The following DLG2 variants were observed in gnomAD, a reference collection of about 807,000 sequenced individuals.
DLG2 encodes the protein discs large MAGUK scaffold protein 2, also known as disks large homolog 2.
DLG2 carries 45 observed loss-of-function variants against 132.5 expected under a neutral mutation model. The ratio of observed to expected loss-of-function variants is 0.34; its 90% confidence interval spans 0.27 to 0.44. The LOEUF (loss-of-function observed/expected upper bound fraction) is 0.44. Ranked by LOEUF, DLG2 falls within the 20% of genes least tolerant of loss-of-function variation. DLG2 has a pLI of 1.00. For synonymous variants in DLG2, 424 were observed against 419.6 expected (o/e 1.01, Z -0.13); for missense variants, 1,045 against 1,196.9 (o/e 0.87, Z 1.87).
intron 3 of DLG2, among the ~76,000 whole-genome samples, chr11:85,569,649 A>G (rs904169760): frequency 2.3e-4 from 35 of 152,170 alleles, no homozygotes; most frequent in Non-Finnish European, 3.8e-4. Flanking sequence ...AGAGAAATGG[A>G]AATTAAAACC....
intron 6 of DLG2, among the ~76,000 whole-genome samples, chr11:84,726,931 C>A (rs2062545780): frequency 6.6e-6 from 1 of 152,122 alleles, no homozygotes; most frequent in African/African-American, 2.4e-5. Context: ...ATATCTTTTG[C>A]CCAGTTTTTG....
Position 84,502,202 on chromosome 11 carries a change from C to CTCTCTCTCT in DLG2, c.519+32367_519+32368insAGAGAGAGA, listed in dbSNP as rs56962951. Among the ~76,000 whole-genome samples, 26 of 24,942 alleles carry CTCTCTCTCT rather than the reference C, an allele frequency of 1.0e-3. 9 individuals carry two copies. The highest frequency in any genetic ancestry group is 1.5e-3 in the Non-Finnish European group (23 of 15,288). The allele number at this position is 24,942 out of a possible 152,430, so 16.4% of individuals were successfully genotyped here. On this transcript the variant is annotated intron_variant, in intron 7 of 27. Coordinates refer to ENST00000376104, the MANE Select transcript of DLG2 (RefSeq NM_001142699.3). ...TCTCTCTCTTTCTCTCTCTCTCTCT[C>CTCTCTCTCT]CTTCCTTCCTTCCTTCCTTCCTTCC...
At chr11:83,860,281 C>T (rs534214433) in intron 16 of DLG2, among the ~76,000 whole-genome samples, 8 of 152,304 alleles carry the variant, frequency 5.3e-5, no homozygotes, top group East Asian at 1.9e-4. Context: ...ACCGCAGACA[C>T]TCAATACCAG....
At chr11:84,044,104 C>T (rs1357129025) in intron 11 of DLG2, among the ~76,000 whole-genome samples, 4 of 151,840 alleles carry the variant, frequency 2.6e-5, no homozygotes, top group Middle Eastern at 3.4e-3. Flanking sequence ...TGGAGCCAGA[C>T]ACCAGTGATT....
At chr11:85,319,445 T>C (rs1455468784) in intron 3 of DLG2, among the ~76,000 whole-genome samples, 1 of 151,860 alleles carries the variant, frequency 6.6e-6, no homozygotes, top group Non-Finnish European at 1.5e-5. Flanking sequence ...ATAGCATAAA[T>C]ATTTATTCAC....
At chr11:85,063,761 TAA>T (rs1268731307) in intron 6 of DLG2, among the ~76,000 whole-genome samples, 1 of 151,824 alleles carries the variant, frequency 6.6e-6, no homozygotes, top group African/African-American at 2.4e-5. Flanking sequence ...TATAAATCTA[TAA>T]AAAGTCATTT....
chr11:83,742,602 T>C (rs1341983366), intron 18 of DLG2, among the ~76,000 whole-genome samples: 2 of 152,182 alleles, frequency 1.3e-5, no homozygotes, highest in African/African-American at 4.8e-5. Context: ...TTTGAAGGGA[T>C]TGAATTAGCT....
chr11:83,855,568 G>A (rs144868541), intron 16 of DLG2, among the ~76,000 whole-genome samples: 45 of 152,302 alleles, frequency 3.0e-4, no homozygotes, highest in African/African-American at 1.1e-3. Flanking sequence ...AAGCCAATCT[G>A]AAAAGGCTAC....
chr11:84,518,731 T>C (rs1473192203), intron 7 of DLG2, among the ~76,000 whole-genome samples: 1 of 152,132 alleles, frequency 6.6e-6, no homozygotes. Flanking sequence ...GCAGCAATTT[T>C]ATTAGGCTAC....
chr11:83,623,144 T>C (rs2061900401), intron 19 of DLG2, among the ~76,000 whole-genome samples: 1 of 152,220 alleles, frequency 6.6e-6, no homozygotes, highest in South Asian at 2.1e-4. Context: ...CTTGTTGAAT[T>C]GAACTCTTAA....
At chr11:85,359,473 T>C (rs952601141) in intron 3 of DLG2, among the ~76,000 whole-genome samples, 2 of 152,216 alleles carry the variant, frequency 1.3e-5, no homozygotes. Flanking sequence ...ATCAAGCTGG[T>C]CATTATAATT....
chr11:83,644,754 T>G (rs1317216155), intron 18 of DLG2, among the ~76,000 whole-genome samples: 1 of 152,070 alleles, frequency 6.6e-6, no homozygotes, highest in Non-Finnish European at 1.5e-5. Flanking sequence ...TTCAGTAATT[T>G]TTTTCTAAAA....
intron 8 of DLG2, among the ~76,000 whole-genome samples, chr11:84,213,466 C>T (rs556416879): frequency 1.3e-5 from 2 of 152,198 alleles, no homozygotes; most frequent in African/African-American, 4.8e-5. Flanking sequence ...GTAGCATTGG[C>T]ATTACCCAAG....
intron 17 of DLG2, among the ~76,000 whole-genome samples, chr11:83,807,813 C>G (rs1374098037): frequency 2.0e-5 from 3 of 152,132 alleles, no homozygotes; most frequent in Non-Finnish European, 4.4e-5. Flanking sequence ...GATGGGAAAA[C>G]TGAGGCACAG....
chr11:84,310,951 G>C (rs1051840997), intron 7 of DLG2, among the ~76,000 whole-genome samples: 1 of 152,196 alleles, frequency 6.6e-6, no homozygotes, highest in African/African-American at 2.4e-5. Context: ...GAACACAGTT[G>C]TTCTTGCAGA....
At chr11:83,960,714 G>A (rs1355829988) in intron 14 of DLG2, among the ~76,000 whole-genome samples, 2 of 151,710 alleles carry the variant, frequency 1.3e-5, no homozygotes, top group Non-Finnish European at 2.9e-5. Flanking sequence ...GCAGCACCAG[G>A]TGTCTTATAG....
chr11:84,648,118 C>T lies in DLG2; in HGVS notation c.358-113387G>A, dbSNP rs1940071. Among the ~76,000 whole-genome samples, 513 of 152,158 alleles carry T rather than the reference C, an allele frequency of 3.4e-3. 4 individuals carry two copies. Among genetic ancestry groups the T allele is most frequent in the African/African-American group, 0.011 (475 of 41,488 alleles). Reference sequence around the variant, plus strand: ...GAACAAGATCTTACTGCCTACAAAACCTATGCTCTTATACCCAAGTCATCT... The same window carrying T: ...GAACAAGATCTTACTGCCTACAAAATCTATGCTCTTATACCCAAGTCATCT... On this transcript the variant is annotated intron_variant, in intron 6 of 27. Coordinates refer to ENST00000376104, the MANE Select transcript of DLG2 (RefSeq NM_001142699.3).
intron 18 of DLG2, among the ~76,000 whole-genome samples, chr11:83,744,765 C>T (rs916719819): frequency 6.6e-6 from 1 of 152,202 alleles, no homozygotes; most frequent in Non-Finnish European, 1.5e-5. Context: ...GAGTCTAGGA[C>T]ACCTGCTTGG....
At chr11:85,371,832 C>G (rs924198963) in intron 3 of DLG2, among the ~76,000 whole-genome samples, 21 of 152,194 alleles carry the variant, frequency 1.4e-4, no homozygotes, top group African/African-American at 5.1e-4. Flanking sequence ...GTGGTACACA[C>G]TTCCATCAAA....
Sources: gnomAD v4.1 joint callset for allele counts (sites outside exome capture counted in the v4.1 genomes callset) on GRCh38, gnomAD v4.1.1 for gene constraint, MANE v1.5 for transcripts, NCBI Gene and HGNC (gene_info 2026-07-23, HGNC 2026-07-21) for gene names.